Variants in MMP16 observed in about 807,000 individuals in gnomAD.
MMP16 encodes matrix metalloproteinase-16.
A neutral mutation model predicts 67.8 loss-of-function variants in MMP16; 12 were observed. That is an observed-to-expected ratio of 0.18 (90% CI 0.11 to 0.29). MMP16 has a LOEUF of 0.29. Among genes scored for constraint, MMP16 ranks in the 10% least tolerant of loss-of-function variants. The probability of loss-of-function intolerance (pLI) is 1.00; values close to 1 mark genes in which losing one functional copy is unlikely to be tolerated. For synonymous variants in MMP16, 249 were observed against 255.9 expected (o/e 0.97, Z 0.26); for missense variants, 475 against 765.7 (o/e 0.62, Z 4.48).
intron 1 of MMP16, among the ~76,000 whole-genome samples, chr8:88,315,969 G>A (rs1320141711): frequency 6.6e-6 from 1 of 152,158 alleles, no homozygotes; most frequent in Non-Finnish European, 1.5e-5. Context: ...TACTGTTACA[G>A]AACAAGTTTA....
intron 1 of MMP16, among the ~76,000 whole-genome samples, chr8:88,215,175 A>C (rs1004498847): frequency 1.3e-5 from 2 of 151,906 alleles, no homozygotes; most frequent in Non-Finnish European, 2.9e-5. Context: ...AACACACACA[A>C]AAAAATTAGC....
At chr8:88,053,311 C>T (rs1397151578) in intron 8 of MMP16, among the ~76,000 whole-genome samples, 1 of 152,104 alleles carries the variant, frequency 6.6e-6, no homozygotes, top group Non-Finnish European at 1.5e-5. Flanking sequence ...GCTGTGTTTG[C>T]CTAGTAGATT....
intron 4 of MMP16, among the ~76,000 whole-genome samples, chr8:88,161,986 A>G (rs1044588211): frequency 3.9e-5 from 6 of 152,040 alleles, no homozygotes; most frequent in South Asian, 2.1e-4. Flanking sequence ...TATATAGTCA[A>G]TTTTGGAATA....
intron 1 of MMP16, among the ~76,000 whole-genome samples, chr8:88,209,065 G>A (rs1586205975): frequency 1.3e-5 from 2 of 151,948 alleles, no homozygotes; most frequent in African/African-American, 4.8e-5. Context: ...CAAAACTATG[G>A]GCTTTTCTAT....
intron 1 of MMP16, among the ~76,000 whole-genome samples, chr8:88,226,875 C>A (rs1467920019): frequency 1.4e-5 from 1 of 72,760 alleles, no homozygotes. Flanking sequence ...TCAGCCTACA[C>A]GTATTTATTT....
intron 6 of MMP16, among the ~76,000 whole-genome samples, chr8:88,098,930 A>AT (rs1227946159): frequency 2.0e-5 from 3 of 151,694 alleles, no homozygotes; most frequent in Non-Finnish European, 2.9e-5. Context: ...ACATATGTAG[A>AT]TTTTTTTACA....
At chr8:88,320,757 T>C (rs1288905621) in intron 1 of MMP16, among the ~76,000 whole-genome samples, 2 of 152,098 alleles carry the variant, frequency 1.3e-5, no homozygotes, top group Non-Finnish European at 2.9e-5. Context: ...GCTCAATAGC[T>C]CCCTCTAGCC....
chr8:88,058,258 G>T lies in MMP16; in HGVS notation c.1223-1980C>A, dbSNP rs1808355972. Reference sequence around the variant, plus strand: ...CATCAAGGAGATTAAGTTTGTGTTGGGTTGTGATTGGTTTTATATTTTAAA... The same window carrying T: ...CATCAAGGAGATTAAGTTTGTGTTGTGTTGTGATTGGTTTTATATTTTAAA... On this transcript the variant is annotated intron_variant, in intron 7 of 9. Coordinates refer to ENST00000286614, the MANE Select transcript of MMP16 (RefSeq NM_005941.5). This position sits in a 1 kb window ranked among gnomAD's most constrained non-coding sequence, Gnocchi z 4.2. Among the ~76,000 whole-genome samples the T allele has an allele frequency of 6.6e-6, 1 of 152,072 alleles. No individual in the cohort carries two copies. Among genetic ancestry groups the T allele is most frequent in the Admixed American group, 6.6e-5 (1 of 15,246 alleles).
intron 7 of MMP16, among the ~76,000 whole-genome samples, chr8:88,066,223 C>CT (rs1455972701): frequency 1.3e-5 from 2 of 152,020 alleles, no homozygotes; most frequent in African/African-American, 4.8e-5. Flanking sequence ...TTTAAGACAG[C>CT]TTTTTTGATA....
intron 7 of MMP16, among the ~76,000 whole-genome samples, chr8:88,074,047 C>T (rs1808605283): frequency 6.6e-6 from 1 of 152,136 alleles, no homozygotes; most frequent in Non-Finnish European, 1.5e-5. Context: ...CAGGTAATTT[C>T]ACTTTTGCTT....
chr8:88,321,603 C>T lies in MMP16; in HGVS notation c.132+5472G>A, dbSNP rs564509191. 5.9e-5 allele frequency among the ~76,000 whole-genome samples: 9 copies of T among 152,204 alleles called. No homozygotes were observed. In the South Asian group the frequency reaches 1.7e-3, roughly 28 times the overall value. On this transcript the variant is annotated intron_variant, in intron 1 of 9. Coordinates refer to ENST00000286614, the MANE Select transcript of MMP16 (RefSeq NM_005941.5). ...GATAACACATGTTAGATTTAAGTTA[C>T]ACATTCTGTATTTCCTCATGACATT... is the stretch of plus-strand genomic sequence containing the variant.
intron 3 of MMP16, among the ~76,000 whole-genome samples, chr8:88,170,042 A>G (rs565668868): frequency 9.5e-4 from 145 of 152,294 alleles, no homozygotes; most frequent in African/African-American, 3.2e-3. Flanking sequence ...GGTGCTTTGG[A>G]CCAGGTTGGT....
At position 88,156,913 on chromosome 8, in the gene MMP16, T is replaced by G. The variant is rs540016897; in HGVS notation, c.709+10756A>C. The stretch of plus-strand genomic sequence containing the variant: ...ATAATAGGGCAAAATATGTATGAAT[T>G]ATGATTAAGCAACTTACCAAGAGAT... On this transcript the variant is annotated intron_variant, in intron 4 of 9. Coordinates refer to ENST00000286614, the MANE Select transcript of MMP16 (RefSeq NM_005941.5). Among the ~76,000 whole-genome samples the G allele has an allele frequency of 2.6e-5, 4 of 152,240 alleles. No individual in the cohort carries two copies. In the South Asian group the frequency reaches 8.3e-4, roughly 32 times the overall value.
chr8:88,058,615 T>A lies in MMP16; in HGVS notation c.1223-2337A>T, dbSNP rs1469327254. On this transcript the variant is annotated intron_variant, in intron 7 of 9. Transcript: ENST00000286614. The surrounding 1 kb of genome is among the most constrained non-coding windows in gnomAD (Gnocchi z 4.2). ...TACTTTGTATTAGATGCAGGAGAGA[T>A]CTCTTTATTCAACTGTGACATATAA... is the stretch of plus-strand genomic sequence containing the variant. Among the ~76,000 whole-genome samples the A allele has an allele frequency of 6.6e-6, 1 of 152,054 alleles. No homozygotes were observed. Among genetic ancestry groups the A allele is most frequent in the Non-Finnish European group, 1.5e-5 (1 of 67,988 alleles).
chr8:88,117,715 C>T (rs994478736), intron 5 of MMP16, among the ~76,000 whole-genome samples: 14 of 151,880 alleles, frequency 9.2e-5, no homozygotes, highest in African/African-American at 3.4e-4. Flanking sequence ...TATTTTACCC[C>T]TGAGAGAATA....
Position 88,041,242 on chromosome 8 carries a change from AG to A in MMP16, c.*218del. ...AGAACTGAATGACAAAGAAAGACAA[AG>A]GACTGAAGAACAGCAGATACTGTGC... On this transcript the variant is annotated 3_prime_UTR_variant, in exon 10 of 10. Coordinates refer to ENST00000286614, the MANE Select transcript of MMP16 (RefSeq NM_005941.5). This position sits in a 1 kb window ranked among gnomAD's most constrained non-coding sequence, Gnocchi z 6.0. 1 of 510,196 alleles carries A rather than the reference AG, an allele frequency of 2.0e-6. No homozygotes were observed. Among genetic ancestry groups the A allele is most frequent in the Non-Finnish European group, 3.5e-6 (1 of 287,306 alleles). The allele number at this position is 510,196 out of a possible 1,614,324, so 31.6% of individuals were successfully genotyped here. A position where few individuals can be genotyped will look rare whatever the true frequency, so the allele number is the denominator to read the frequency against.
chr8:88,155,180 G>T (rs1190888441), intron 4 of MMP16, among the ~76,000 whole-genome samples: 1 of 151,968 alleles, frequency 6.6e-6, no homozygotes, highest in African/African-American at 2.4e-5. Context: ...ATCACAGTAA[G>T]TGTAATTCAG....
intron 1 of MMP16, among the ~76,000 whole-genome samples, chr8:88,323,141 AT>A (rs1336382368): frequency 6.6e-6 from 1 of 152,200 alleles, no homozygotes. Flanking sequence ...TGGTACCACC[AT>A]TCTTCCATGT....
intron 4 of MMP16, among the ~76,000 whole-genome samples, chr8:88,132,263 T>C (rs1808043314): frequency 6.6e-6 from 1 of 151,930 alleles, no homozygotes; most frequent in Non-Finnish European, 1.5e-5. Context: ...TAAAATACGA[T>C]TTTTCAATTG....
Sources: gnomAD v4.1 joint callset for allele counts (sites outside exome capture counted in the v4.1 genomes callset) on GRCh38, gnomAD v4.1.1 for gene constraint, Gnocchi (gnomAD v3.1) non-coding constraint, MANE v1.5 for transcripts, NCBI Gene and HGNC (gene_info 2026-07-23, HGNC 2026-07-21) for gene names.